Variants in PHF21A observed in about 807,000 individuals in gnomAD.
PHF21A encodes BHC80a.
In PHF21A, 11 loss-of-function variants were observed where a neutral mutation model predicts 82.5. The ratio of observed to expected loss-of-function variants is 0.13; its 90% CI spans 0.08 to 0.22. The LOEUF (loss-of-function observed/expected upper bound fraction) is 0.22, where lower values mean the gene tolerates loss of function less well. Among genes scored for constraint, PHF21A ranks in the 10% least tolerant of loss-of-function variants. PHF21A has a pLI of 1.00. For missense variants in PHF21A, 579 were observed against 837.8 expected, an observed-to-expected ratio of 0.69 and a Z score of 3.81; for synonymous variants, 297 against 302.8, an observed-to-expected ratio of 0.98 and a Z score of 0.20.
chr11:46,038,710 C>T (rs977670369), intron 6 of PHF21A, among the ~76,000 whole-genome samples: 5 of 152,050 alleles, frequency 3.3e-5, no homozygotes, highest in East Asian at 1.9e-4. Flanking sequence ...TATCACATGG[C>T]GAGGTGGCTA....
At chr11:45,938,580 T>A (rs2135142647) in intron 15 of PHF21A, among the ~76,000 whole-genome samples, 1 of 152,308 alleles carries the variant, frequency 6.6e-6, no homozygotes, top group Non-Finnish European at 1.5e-5. Context: ...ACCTCCGTAC[T>A]GAACCCTATA....
At chr11:45,962,609 T>A (rs1286920886) in intron 10 of PHF21A, among the ~76,000 whole-genome samples, 2 of 150,452 alleles carry the variant, frequency 1.3e-5, no homozygotes, top group East Asian at 1.9e-4. Flanking sequence ...GAGAGAACAT[T>A]GGCCAGGCGT....
Position 46,084,329 on chromosome 11 carries a change from T to A in PHF21A, c.-83-27A>T, listed in dbSNP as rs2096829737. On this transcript the variant is annotated intron_variant, in intron 3 of 18. Coordinates refer to ENST00000676320, the MANE Select transcript of PHF21A (RefSeq NM_001352027.3). ...TGTAAAGATCATAAAATGTTTTGGATCATTACATTTGGAATAAATATAATA... is the reference window on the plus strand; with the variant it reads ...TGTAAAGATCATAAAATGTTTTGGAACATTACATTTGGAATAAATATAATA... 4.2e-6 allele frequency: 3 copies of A among 711,216 alleles called. No individual in the cohort carries two copies. In the South Asian group the frequency reaches 5.8e-5, roughly 14 times the overall value. 44.1% of individuals were successfully genotyped at this position (711,216 alleles called of 1,614,324 possible).
At chr11:46,061,927 C>T (rs894489613) in intron 6 of PHF21A, among the ~76,000 whole-genome samples, 5 of 152,140 alleles carry the variant, frequency 3.3e-5, no homozygotes, top group East Asian at 1.9e-4. Flanking sequence ...ATTCTATCCC[C>T]GGACTTGATC....
chr11:46,116,834 A>T (rs1325743196), intron 1 of PHF21A: 2 of 152,288 alleles, frequency 1.3e-5, no homozygotes, highest in African/African-American at 4.8e-5. Flanking sequence ...GTAGTGGCGG[A>T]CACCTCTATA....
Position 45,933,906 on chromosome 11 carries a change from A to G in PHF21A, c.*62T>C, listed in dbSNP as rs2088065189. The G allele has an allele frequency of 2.8e-6, 4 of 1,428,280 alleles. No individual in the cohort carries two copies. The highest frequency in any genetic ancestry group is 3.7e-6 in the Non-Finnish European group (4 of 1,071,156). The allele number at this position is 1,428,280 out of a possible 1,614,324, so 88.5% of individuals were successfully genotyped here. ...CAGAAATCCGGCTTTGCTTTTCTAGAGTCTTCAGTGTTCTGTTCTCCTTGC... is the reference window on the plus strand; with the variant it reads ...CAGAAATCCGGCTTTGCTTTTCTAGGGTCTTCAGTGTTCTGTTCTCCTTGC... On this transcript the variant is annotated 3_prime_UTR_variant, in exon 19 of 19. Coordinates refer to ENST00000676320, the MANE Select transcript of PHF21A (RefSeq NM_001352027.3).
chr11:45,990,608 A>G (rs1038060282), intron 6 of PHF21A, among the ~76,000 whole-genome samples: 2 of 152,002 alleles, frequency 1.3e-5, no homozygotes, highest in Admixed American at 6.5e-5. Flanking sequence ...GCTGTGATTC[A>G]TGCTTTTACT....
chr11:45,976,990 A>T (rs2094057961), intron 7 of PHF21A, among the ~76,000 whole-genome samples: 1 of 152,166 alleles, frequency 6.6e-6, no homozygotes, highest in Non-Finnish European at 1.5e-5. Flanking sequence ...AAATCAATTA[A>T]ATATGTCAGG....
chr11:45,948,815 G>A (rs2091686182), intron 14 of PHF21A, 71 bp downstream of exon 14: 4 of 1,056,484 alleles, frequency 3.8e-6, no homozygotes, highest in Non-Finnish European at 6.0e-6. Flanking sequence ...GATGGGAGGA[G>A]GGAAGGAGAA....
At chr11:46,036,870 T>A (rs1448619325) in intron 6 of PHF21A, among the ~76,000 whole-genome samples, 1 of 152,210 alleles carries the variant, frequency 6.6e-6, no homozygotes, top group Non-Finnish European at 1.5e-5. Flanking sequence ...GCATTTTTTA[T>A]GTTTAAAAAA....
chr11:46,026,443 A>G (rs2095747848), intron 6 of PHF21A, among the ~76,000 whole-genome samples: 1 of 152,196 alleles, frequency 6.6e-6, no homozygotes, highest in Non-Finnish European at 1.5e-5. Context: ...ACAGGTGTCA[A>G]GGTTATTTTT....
intron 10 of PHF21A, among the ~76,000 whole-genome samples, chr11:45,958,449 T>TATATATATATATACAC (rs780397923): frequency 2.7e-4 from 4 of 15,080 alleles, no homozygotes; most frequent in African/African-American, 5.7e-4. Flanking sequence ...TATATATATA[T>TATATATATATATACAC]ACACACACAC....
At chr11:46,009,367 G>A (rs1387880628) in intron 6 of PHF21A, among the ~76,000 whole-genome samples, 1 of 151,982 alleles carries the variant, frequency 6.6e-6, no homozygotes, top group Non-Finnish European at 1.5e-5. Context: ...ATCTACCTTT[G>A]AGGGTTCTGA....
chr11:46,120,046 G>A (rs1261290829), intron 1 of PHF21A, among the ~76,000 whole-genome samples: 4 of 148,808 alleles, frequency 2.7e-5, no homozygotes, highest in Non-Finnish European at 6.0e-5. Context: ...AGACTCTCCG[G>A]AATAACAAGT....
chr11:46,112,824 G>T (rs1566060753), intron 1 of PHF21A, among the ~76,000 whole-genome samples: 1 of 152,110 alleles, frequency 6.6e-6, no homozygotes, highest in Non-Finnish European at 1.5e-5. Context: ...CACTAGCAAT[G>T]AATGATGCCA....
intron 10 of PHF21A, among the ~76,000 whole-genome samples, chr11:45,953,834 T>C (rs1417046116): frequency 6.6e-6 from 1 of 152,146 alleles, no homozygotes; most frequent in East Asian, 1.9e-4. Flanking sequence ...ATTGCATGGC[T>C]AGAGTAAATA....
At chr11:46,085,453 A>C (rs984388425) in intron 3 of PHF21A, among the ~76,000 whole-genome samples, 1 of 152,208 alleles carries the variant, frequency 6.6e-6, no homozygotes, top group Admixed American at 6.5e-5. Flanking sequence ...TGGCTAATTT[A>C]TCCTTTATTG....
At chr11:46,004,784 T>C (rs61882511) in intron 6 of PHF21A, among the ~76,000 whole-genome samples, 18,349 of 152,148 alleles carry the variant, frequency 0.12, 1,327 homozygotes, top group African/African-American at 0.22. Context: ...ATCTAAAAGA[T>C]GTCTTTGTAA....
At chr11:46,046,623 A>G (rs142787919) in intron 6 of PHF21A, among the ~76,000 whole-genome samples, 121 of 152,306 alleles carry the variant, frequency 7.9e-4, no homozygotes, top group African/African-American at 2.8e-3. Context: ...TTTCCCTCAT[A>G]TATCTTCTCT....
Sources: gnomAD v4.1 joint callset for allele counts (sites outside exome capture counted in the v4.1 genomes callset) on GRCh38, gnomAD v4.1.1 for gene constraint, MANE v1.5 for transcripts, NCBI Gene and HGNC (gene_info 2026-07-23, HGNC 2026-07-21) for gene names.